Variants in SUCLA2 observed in about 807,000 individuals in gnomAD.
SUCLA2 encodes the protein succinate-CoA ligase ADP-forming subunit beta.
A neutral mutation model predicts 54.8 loss-of-function variants in SUCLA2; 30 were observed. That is an observed-to-expected ratio of 0.55 (90% CI 0.41 to 0.74). The LOEUF (loss-of-function observed/expected upper bound fraction) is 0.74. SUCLA2 is among the 30% of genes least tolerant of loss of function. SUCLA2 has a pLI of 0.00. For missense variants in SUCLA2, 476 were observed against 562.9 expected (o/e 0.85, Z 1.56); for synonymous variants, 172 against 188.9 (o/e 0.91, Z 0.74).
At chr13:47,953,567 G>A (rs979264324) in intron 8 of SUCLA2, among the ~76,000 whole-genome samples, 2 of 151,924 alleles carry the variant, frequency 1.3e-5, no homozygotes, top group Admixed American at 6.6e-5. Flanking sequence ...ACAATTCTAC[G>A]GTCTAACACC....
chr13:47,967,578 C>T (rs565011807), intron 6 of SUCLA2, among the ~76,000 whole-genome samples: 38 of 152,240 alleles, frequency 2.5e-4, no homozygotes, highest in African/African-American at 8.2e-4. Flanking sequence ...CAGTGACTCA[C>T]GCCTGTAATC....
intron 10 of SUCLA2, among the ~76,000 whole-genome samples, chr13:47,947,422 C>T (rs922839583): frequency 2.0e-5 from 3 of 152,096 alleles, no homozygotes; most frequent in Non-Finnish European, 4.4e-5. Flanking sequence ...GGCAAATAAT[C>T]AGGTAATTAT....
In SUCLA2 at chr13:47,958,113, G is replaced by C. The variant is rs113753186; in HGVS notation, c.803-3556C>G. On this transcript the variant is annotated intron_variant, in intron 6 of 10. Transcript: ENST00000646932. Reference sequence around the variant, plus strand: ...TGCTACGCTAAGCAGGGTTGAGCCTGGTTAGTATGTGATGTTCTCCTTTGC... The same window carrying C: ...TGCTACGCTAAGCAGGGTTGAGCCTCGTTAGTATGTGATGTTCTCCTTTGC... 7.9e-5 allele frequency among the ~76,000 whole-genome samples: 12 copies of C among 152,290 alleles called. 1 individual carries two copies. Among genetic ancestry groups the C allele is most frequent in the African/African-American group, 2.9e-4 (12 of 41,548 alleles).
intron 10 of SUCLA2, among the ~76,000 whole-genome samples, chr13:47,948,183 G>A (rs1949748483): frequency 6.6e-6 from 1 of 152,124 alleles, no homozygotes; most frequent in Non-Finnish European, 1.5e-5. Flanking sequence ...GTTGTGGGAG[G>A]AAGTAAGAAT....
chr13:47,994,569 A>G (rs1056934212), intron 2 of SUCLA2, among the ~76,000 whole-genome samples: 1 of 147,762 alleles, frequency 6.8e-6, no homozygotes, highest in African/African-American at 2.5e-5. Context: ...CTCCGTCTCA[A>G]AAAAAAAAAA....
intron 6 of SUCLA2, among the ~76,000 whole-genome samples, chr13:47,955,807 C>T (rs556961238): frequency 6.6e-6 from 1 of 152,210 alleles, no homozygotes; most frequent in East Asian, 1.9e-4. Flanking sequence ...GTACCCTACC[C>T]CTTCCTCACT....
intron 4 of SUCLA2, among the ~76,000 whole-genome samples, chr13:47,978,886 T>C (rs1412892033): frequency 6.6e-6 from 1 of 152,192 alleles, no homozygotes; most frequent in African/African-American, 2.4e-5. Flanking sequence ...AAAGAAGACA[T>C]TTATGCAGTC....
intron 10 of SUCLA2, chr13:47,945,646 AC>A (rs1044069979): frequency 1.7e-4 from 6 of 36,098 alleles, no homozygotes; most frequent in Non-Finnish European, 1.3e-4. Context: ...AAAGGGAGAC[AC>A]ACACACACAC....
intron 4 of SUCLA2, among the ~76,000 whole-genome samples, chr13:47,981,895 G>T (rs1566089798): frequency 6.6e-6 from 1 of 152,188 alleles, no homozygotes; most frequent in Non-Finnish European, 1.5e-5. Flanking sequence ...TGAGGGAGAA[G>T]AATCACTTGA....
Position 47,996,938 on chromosome 13 carries a change from A to T in SUCLA2, c.176T>A (p.Met59Lys). The T allele has an allele frequency of 1.2e-6, 2 of 1,614,008 alleles. No individual in the cohort carries two copies. Among genetic ancestry groups the T allele is most frequent in the Non-Finnish European group, 1.7e-6 (2 of 1,179,972 alleles). The change falls in exon 2 of 11, where the codon ATG (methionine) becomes AAG (lysine). Residue 59 changes from methionine to lysine, a missense_variant. Transcript: ENST00000646932. ...QQRNLSLHEY[M>K]SMELLQEAGV... Reference sequence around the variant, plus strand: ...AGCTTCTTGCAATAATTCCATACTCATGTATTCATGTAGTGAGAGATTCCT... The same window carrying T: ...AGCTTCTTGCAATAATTCCATACTCTTGTATTCATGTAGTGAGAGATTCCT...
chr13:47,999,672 A>G (rs1593507454), intron 1 of SUCLA2, among the ~76,000 whole-genome samples: 1 of 151,246 alleles, frequency 6.6e-6, no homozygotes, highest in Admixed American at 6.6e-5. Context: ...GCGCCACTGC[A>G]CTCCAGCCTG....
At chr13:47,956,184 T>C (rs867441233) in intron 6 of SUCLA2, among the ~76,000 whole-genome samples, 4 of 152,152 alleles carry the variant, frequency 2.6e-5, no homozygotes, top group Non-Finnish European at 4.4e-5. Flanking sequence ...AGAGAAAATA[T>C]GGTCATAATA....
Position 47,997,047 on chromosome 13 carries a change from A to G in SUCLA2, c.91-24T>C, listed in dbSNP as rs181629136. 1.6e-5 allele frequency: 26 copies of G among 1,613,650 alleles called. No individual in the cohort carries two copies. In the African/African-American group the frequency reaches 3.2e-4, roughly 20 times the overall value. ...ACCTAGAAAGATTGGGGACATATTTATATATGACAGTGATTTGGCAGTCAC... is the reference window on the plus strand; with the variant it reads ...ACCTAGAAAGATTGGGGACATATTTGTATATGACAGTGATTTGGCAGTCAC... On this transcript the variant is annotated intron_variant, in intron 1 of 10. Transcript: ENST00000646932.
chr13:47,971,856 A>T (rs2137719791), intron 5 of SUCLA2: 1 of 398,624 alleles, frequency 2.5e-6, no homozygotes, highest in African/African-American at 2.1e-5. Context: ...AATGAATAAT[A>T]ATCACCTCAG....
intron 10 of SUCLA2, among the ~76,000 whole-genome samples, chr13:47,945,053 C>A (rs961830362): frequency 2.0e-5 from 3 of 151,860 alleles, no homozygotes; most frequent in African/African-American, 7.3e-5. Flanking sequence ...GGTTCAAGAC[C>A]AGCCTGACCA....
At chr13:47,991,471 TA>T (rs1331874084) in intron 2 of SUCLA2, 1 of 152,224 alleles carries the variant, frequency 6.6e-6, no homozygotes, top group Admixed American at 6.5e-5. Flanking sequence ...CTTACCCTAC[TA>T]ACCTGCCCAC....
At chr13:47,945,732 T>G (rs1215719035) in intron 10 of SUCLA2, 1 of 151,724 alleles carries the variant, frequency 6.6e-6, no homozygotes, top group African/African-American at 2.4e-5. Context: ...TTCAGTTACC[T>G]GCAGTCAACT....
intron 6 of SUCLA2, among the ~76,000 whole-genome samples, chr13:47,967,312 C>G (rs1295814319): frequency 6.6e-6 from 1 of 151,904 alleles, no homozygotes; most frequent in East Asian, 1.9e-4. Flanking sequence ...AAATAAAGTT[C>G]TCACTGCAGA....
At chr13:47,989,749 G>C (rs1191570613) in intron 2 of SUCLA2, among the ~76,000 whole-genome samples, 1 of 151,980 alleles carries the variant, frequency 6.6e-6, no homozygotes, top group Non-Finnish European at 1.5e-5. Flanking sequence ...ATGATTTGGG[G>C]GATATTACCA....
Sources: gnomAD v4.1 joint callset for allele counts (sites outside exome capture counted in the v4.1 genomes callset) on GRCh38, gnomAD v4.1.1 for gene constraint, MANE v1.5 for transcripts, NCBI Gene and HGNC (gene_info 2026-07-23, HGNC 2026-07-21) for gene names.